HSP90AA1: variants seen among roughly 807,000 people sequenced by gnomAD.
HSP90AA1 encodes the protein heat shock protein 90 alpha family class A member 1.
Under a neutral mutation model 73.3 loss-of-function variants are expected in HSP90AA1, and 18 were observed. That is an observed-to-expected ratio of 0.25 (90% CI 0.17 to 0.36). The LOEUF (loss-of-function observed/expected upper bound fraction) is 0.36. Ranked by LOEUF, HSP90AA1 falls within the 10% of genes least tolerant of loss-of-function variation. HSP90AA1 has a pLI of 1.00. For missense variants in HSP90AA1, 704 were observed against 874.2 expected (o/e 0.81, Z 2.45); for synonymous variants, 477 against 296.9 (o/e 1.61, Z -6.24).
chr14:102,115,209 G>A (rs2049691407), intron 1 of HSP90AA1, among the ~76,000 whole-genome samples: 2 of 151,888 alleles, frequency 1.3e-5, no homozygotes, highest in African/African-American at 4.8e-5. Flanking sequence ...TGAGACAAGA[G>A]GATCCCTTGA....
intron 1 of HSP90AA1, among the ~76,000 whole-genome samples, chr14:102,132,156 C>T (rs1271676322): frequency 1.3e-5 from 2 of 152,044 alleles, no homozygotes; most frequent in Non-Finnish European, 2.9e-5. Flanking sequence ...ATCACGAGGT[C>T]AAGAGATTGA....
At chr14:102,085,097 C>A in intron 4 of HSP90AA1, 99 bp from the exon 5 acceptor site, 1 of 1,590,796 alleles carries the variant, frequency 6.3e-7, no homozygotes, top group Non-Finnish European at 8.6e-7. Context: ...TCTAAATTAG[C>A]CAACTTGAGA....
At chr14:102,096,217 A>G (rs1458700358) in intron 2 of HSP90AA1, among the ~76,000 whole-genome samples, 1 of 152,188 alleles carries the variant, frequency 6.6e-6, no homozygotes, top group Admixed American at 6.5e-5. Flanking sequence ...AGATACGGAG[A>G]AAAGGGAGGT....
intron 2 of HSP90AA1, among the ~76,000 whole-genome samples, chr14:102,097,394 G>A (rs960220148): frequency 2.6e-5 from 4 of 151,716 alleles, no homozygotes; most frequent in Admixed American, 6.6e-5. Context: ...TGTGGATTGT[G>A]GACAGCCCTC....
At chr14:102,105,206 C>CAAA (rs35778744) in intron 1 of HSP90AA1, among the ~76,000 whole-genome samples, 397 of 18,090 alleles carry the variant, frequency 0.022, 7 homozygotes, top group Non-Finnish European at 0.03. Flanking sequence ...GAGTCTGTCT[C>CAAA]AAAAAAAAAA....
In HSP90AA1 at chr14:102,100,951, T is replaced by C. The variant is rs571130095; in HGVS notation, c.366+924A>G. Among the ~76,000 whole-genome samples the C allele has an allele frequency of 2.0e-5, 3 of 152,322 alleles. No individual in the cohort carries two copies. In the South Asian group the frequency reaches 6.2e-4, roughly 32 times the overall value. ...GGGACGGGCTCTAATGAAATTCCTG[T>C]ATCCTTACCCACAAATCACAAAGCT... On this transcript the variant is annotated intron_variant, in intron 2 of 11. Transcript: ENST00000334701.
chr14:102,090,131 G>C (rs886409703), upstream of HSP90AA1, among the ~76,000 whole-genome samples: 6 of 152,194 alleles, frequency 3.9e-5, no homozygotes, highest in African/African-American at 1.4e-4. Context: ...CTATTTCTGT[G>C]TCTGGCGCAC....
intron 9 of HSP90AA1, chr14:102,082,662 C>G (rs1267056329): frequency 3.5e-6 from 2 of 572,804 alleles, no homozygotes; most frequent in East Asian, 6.2e-5. Context: ...GCTCCATCAC[C>G]CAGGCTGGAG....
At chr14:102,099,553 G>T (rs1311071033) in intron 2 of HSP90AA1, among the ~76,000 whole-genome samples, 1 of 151,570 alleles carries the variant, frequency 6.6e-6, no homozygotes, top group Non-Finnish European at 1.5e-5. Flanking sequence ...GCGGAACTCC[G>T]TCTCAAAAAG....
At chr14:102,113,664 G>A (rs966843659) in intron 1 of HSP90AA1, among the ~76,000 whole-genome samples, 1 of 152,038 alleles carries the variant, frequency 6.6e-6, no homozygotes, top group Admixed American at 6.6e-5. Flanking sequence ...ACAAGCGTGA[G>A]CCACCGCACC....
chr14:102,082,071 T>G, intron 10 of HSP90AA1, 40 bp downstream of exon 10: 3 of 1,326,008 alleles, frequency 2.3e-6, no homozygotes, highest in Non-Finnish European at 3.3e-6. Context: ...ATGTCACGTG[T>G]GTTTATTTTC....
chr14:102,099,745 A>G (rs1256693354), intron 2 of HSP90AA1, among the ~76,000 whole-genome samples: 1 of 152,196 alleles, frequency 6.6e-6, no homozygotes, highest in Non-Finnish European at 1.5e-5. Flanking sequence ...TGGACGCTTC[A>G]TGCTTGCTTC....
chr14:102,114,242 G>A (rs1850416023), intron 1 of HSP90AA1, among the ~76,000 whole-genome samples: 2 of 152,038 alleles, frequency 1.3e-5, no homozygotes. Flanking sequence ...GCCCACCTCG[G>A]CCTCCCAAAG....
chr14:102,136,526 G>A (rs577212516), intron 1 of HSP90AA1, among the ~76,000 whole-genome samples: 20 of 117,038 alleles, frequency 1.7e-4, no homozygotes, highest in Non-Finnish European at 1.8e-4. Context: ...CCGAGATCAT[G>A]CCACTGCACT....
rs1177849359 is a variant in HSP90AA1, at chr14:102,085,301, A to G, written c.660T>C (p.Leu220=). ...HSQFIGYPIT[L]FVEKERDKEV... is the part of the protein sequence containing the mutation. Reference sequence around the variant, plus strand: ...CTGCAATTACATAAAAACTTACAAAAAGAGTAATGGGATATCCAATAAACT... The same window carrying G: ...CTGCAATTACATAAAAACTTACAAAGAGAGTAATGGGATATCCAATAAACT... Residue 220 remains leucine, a synonymous_variant, in exon 4 of 11, where the codon CTT becomes CTC. Transcript: ENST00000216281. 19 of 1,611,704 alleles carry G rather than the reference A, an allele frequency of 1.2e-5. 1 individual carries two copies. Among genetic ancestry groups the G allele is most frequent in the South Asian group, 8.8e-5 (8 of 91,016 alleles).
At chr14:102,101,072 G>A (rs1183484851) in intron 2 of HSP90AA1, among the ~76,000 whole-genome samples, 1 of 152,154 alleles carries the variant, frequency 6.6e-6, no homozygotes, top group African/African-American at 2.4e-5. Flanking sequence ...GATGCTTGAG[G>A]GAAGGTCAGT....
At chr14:102,085,230 A>C in intron 4 of HSP90AA1, 68 bp downstream of exon 4, 1 of 1,521,080 alleles carries the variant, frequency 6.6e-7, no homozygotes, top group Middle Eastern at 2.1e-4. Flanking sequence ...CTAGGGACTA[A>C]GGATGTAGTA....
At chr14:102,110,343 G>A (rs2049623408) in intron 1 of HSP90AA1, among the ~76,000 whole-genome samples, 1 of 152,216 alleles carries the variant, frequency 6.6e-6, no homozygotes. Context: ...CCTGGTGGAA[G>A]AAATTTCTAA....
intron 2 of HSP90AA1, among the ~76,000 whole-genome samples, chr14:102,094,696 A>G (rs1434513458): frequency 2.0e-5 from 3 of 152,178 alleles, no homozygotes; most frequent in Non-Finnish European, 4.4e-5. Flanking sequence ...GGGTAGGGGG[A>G]CACGGAGCCC....
Sources: gnomAD v4.1 joint callset for allele counts (sites outside exome capture counted in the v4.1 genomes callset) on GRCh38, gnomAD v4.1.1 for gene constraint, MANE v1.5 for transcripts, NCBI Gene and HGNC (gene_info 2026-07-23, HGNC 2026-07-21) for gene names.